Variants in EYS observed in about 807,000 individuals in gnomAD.
EYS encodes the protein protein eyes shut homolog.
A neutral mutation model predicts 282.1 loss-of-function variants in EYS; 250 were observed. That is an observed-to-expected ratio of 0.89 (90% CI 0.80 to 0.98). EYS has a LOEUF of 0.98. Ranked by LOEUF, EYS falls within the 50% of genes least tolerant of loss-of-function variation. The pLI is 0.00. For missense variants in EYS, 4,016 were observed against 3,709.0 expected, an observed-to-expected ratio of 1.08 and a Z score of -2.15; for synonymous variants, 1,355 against 1,282.9, an observed-to-expected ratio of 1.06 and a Z score of -1.20.
intron 8 of EYS, among the ~76,000 whole-genome samples, chr6:65,382,345 T>C (rs1582217926): frequency 6.6e-6 from 1 of 151,890 alleles, no homozygotes; most frequent in East Asian, 1.9e-4. Flanking sequence ...ACTCACTTTT[T>C]TTCCATGTGT....
chr6:64,753,157 A>AACTC (rs545201140), intron 22 of EYS, among the ~76,000 whole-genome samples: 300 of 152,288 alleles, frequency 2.0e-3, no homozygotes, highest in African/African-American at 6.6e-3. Context: ...ACAGAAGTAT[A>AACTC]ACTCACAGGT....
chr6:65,194,194 A>G (rs1001551083), intron 12 of EYS, among the ~76,000 whole-genome samples: 5 of 151,922 alleles, frequency 3.3e-5, no homozygotes, highest in Admixed American at 2.6e-4. Context: ...TTCATTTGTC[A>G]ATGCAACTTT....
chr6:65,121,740 G>C (rs62407204), intron 12 of EYS, among the ~76,000 whole-genome samples: 1 of 151,788 alleles, frequency 6.6e-6, no homozygotes, highest in Non-Finnish European at 1.5e-5. Context: ...ACAGTGATAC[G>C]TGTATAATAA....
At chr6:64,010,274 C>A (rs958115352) in intron 33 of EYS, among the ~76,000 whole-genome samples, 1 of 151,908 alleles carries the variant, frequency 6.6e-6, no homozygotes, top group Admixed American at 6.6e-5. Context: ...ACTGGGGATG[C>A]GGTGCTCCTG....
At chr6:65,518,570 A>T (rs1368299704) in intron 2 of EYS, among the ~76,000 whole-genome samples, 1 of 152,190 alleles carries the variant, frequency 6.6e-6, no homozygotes, top group Non-Finnish European at 1.5e-5. Flanking sequence ...TCTTTAGGTC[A>T]TGCAAAATTG....
intron 12 of EYS, among the ~76,000 whole-genome samples, chr6:65,207,156 T>C (rs1766056747): frequency 1.3e-5 from 2 of 151,798 alleles, no homozygotes; most frequent in Non-Finnish European, 3.0e-5. Flanking sequence ...CTAGAGTTGA[T>C]ACATAAAGGC....
chr6:64,951,775 G>C (rs990103080), intron 14 of EYS, among the ~76,000 whole-genome samples: 13 of 151,700 alleles, frequency 8.6e-5, no homozygotes, highest in African/African-American at 3.1e-4. Flanking sequence ...AAGATATACA[G>C]ATTGAAATAT....
chr6:65,405,301 G>C lies in EYS; in HGVS notation c.929C>G (p.Pro310Arg). Residue 310 changes from proline to arginine, a missense_variant, in exon 6 of 43, where the codon CCA becomes CGA. By Grantham distance (103) the Pro-to-Arg change is moderately radical. Transcript: ENST00000503581. ...SLLFWKRGIC[P>R]NSSSAYTYEC... ...ATAAGTATAAGCAGAACTGCTATTT[G>C]GGCAAATTCCTCTTTTCCAAAAAAG... is the stretch of plus-strand genomic sequence containing the variant. 1 of 1,612,658 alleles carries C rather than the reference G, an allele frequency of 6.2e-7. No individual in the cohort carries two copies. The highest frequency in any genetic ancestry group is 8.5e-7 in the Non-Finnish European group (1 of 1,179,346).
chr6:64,976,919 GTC>G (rs1003167637), intron 14 of EYS, among the ~76,000 whole-genome samples: 15 of 151,738 alleles, frequency 9.9e-5, no homozygotes, highest in Admixed American at 2.0e-4. Flanking sequence ...TTGAGACGGA[GTC>G]TCATTCTGTC....
At chr6:64,636,291 C>A (rs1237995216) in intron 22 of EYS, among the ~76,000 whole-genome samples, 1 of 152,158 alleles carries the variant, frequency 6.6e-6, no homozygotes, top group Non-Finnish European at 1.5e-5. Context: ...TGCCACATAT[C>A]TACAACCATC....
At chr6:64,400,590 T>A (rs1309802061) in intron 28 of EYS, among the ~76,000 whole-genome samples, 1 of 152,072 alleles carries the variant, frequency 6.6e-6, no homozygotes, top group Non-Finnish European at 1.5e-5. Context: ...GAGGCAATCT[T>A]GTGCTGATTG....
At chr6:64,098,241 A>G (rs1413129831) in intron 31 of EYS, among the ~76,000 whole-genome samples, 2 of 152,212 alleles carry the variant, frequency 1.3e-5, no homozygotes, top group Non-Finnish European at 2.9e-5. Flanking sequence ...TTTGTACTAT[A>G]AAATAAGAAA....
At chr6:64,848,883 C>T (rs1237975359) in intron 19 of EYS, among the ~76,000 whole-genome samples, 1 of 152,056 alleles carries the variant, frequency 6.6e-6, no homozygotes, top group Non-Finnish European at 1.5e-5. Context: ...TGTTATTTAT[C>T]AGATGAGAAA....
At chr6:63,899,658 A>C (rs953668444) in intron 35 of EYS, among the ~76,000 whole-genome samples, 6 of 152,148 alleles carry the variant, frequency 3.9e-5, no homozygotes, top group African/African-American at 1.2e-4. Context: ...CCTCTTCTGG[A>C]AAGTGTTCTT....
intron 39 of EYS, among the ~76,000 whole-genome samples, 166 bp downstream of exon 39, chr6:63,787,938 TA>T (rs923750609): frequency 3.2e-3 from 479 of 148,928 alleles, no homozygotes; most frequent in African/African-American, 0.011. Context: ...AAACTCCATC[TA>T]AAAAAAAAAT....
At chr6:64,703,423 A>ATTTTTT (rs1318388190) in intron 22 of EYS, among the ~76,000 whole-genome samples, 5 of 25,108 alleles carry the variant, frequency 2.0e-4, no homozygotes, top group Admixed American at 1.1e-3. Flanking sequence ...ATATATATAT[A>ATTTTTT]TATATATTTT....
chr6:65,334,996 C>T lies in EYS; in HGVS notation c.1750G>A (p.Glu584Lys), dbSNP rs527236072. ...ECQHEAVCKDEINRPRCSCSL... is the reference protein window; with the variant it reads ...ECQHEAVCKDKINRPRCSCSL... The stretch of plus-strand genomic sequence containing the variant: ...CATAAATACCTGGGTCTATTAATTT[C>T]ATCTTTACAAACAGCTTCATGTTGA... The change falls in exon 11 of 43, where the codon GAA becomes AAA. Residue 584 changes from glutamate (E) to lysine (K), a missense_variant. Glu to Lys is a moderately conservative substitution (Grantham distance 56, BLOSUM62 1). Transcript: ENST00000503581. The T allele has an allele frequency of 1.9e-6, 3 of 1,609,544 alleles. No individual in the cohort carries two copies. The highest frequency in any genetic ancestry group is 2.5e-6 in the Non-Finnish European group (3 of 1,177,196).
At position 64,509,401 on chromosome 6, in the gene EYS, C is replaced by T. The variant is rs1047402302; in HGVS notation, c.5645-70049G>A. 4.4e-4 allele frequency among the ~76,000 whole-genome samples: 67 copies of T among 152,058 alleles called. 1 individual carries two copies. Among genetic ancestry groups the T allele is most frequent in the African/African-American group, 1.6e-3 (65 of 41,406 alleles). On this transcript the variant is annotated intron_variant, in intron 26 of 42. Transcript: ENST00000503581. ...GCTGTCTGTGGCTACTCACAGAATT[C>T]CTCGCACCTACTCCACCACTGCTTC...
chr6:64,311,226 C>A (rs1319749807), intron 29 of EYS, among the ~76,000 whole-genome samples: 2 of 151,830 alleles, frequency 1.3e-5, no homozygotes, highest in African/African-American at 2.4e-5. Flanking sequence ...TTATAATAAT[C>A]AGGTTAATTA....
Sources: gnomAD v4.1 joint callset for allele counts (sites outside exome capture counted in the v4.1 genomes callset) on GRCh38, gnomAD v4.1.1 for gene constraint, MANE v1.5 for transcripts, NCBI Gene and HGNC (gene_info 2026-07-23, HGNC 2026-07-21) for gene names.